The following DOCK8 variants were observed in gnomAD, a reference collection of about 807,000 sequenced individuals.
The protein encoded by DOCK8 is dedicator of cytokinesis protein 8.
Under a neutral mutation model 245.6 loss-of-function variants are expected in DOCK8, and 141 were observed. The observed-to-expected ratio is 0.57, with a 90% CI of 0.50 to 0.66. The LOEUF is 0.66. Ranked by LOEUF, DOCK8 falls within the 30% of genes least tolerant of loss-of-function variation. DOCK8 has a pLI of 0.00. For synonymous variants in DOCK8, 1,168 were observed against 970.2 expected (o/e 1.20, Z -3.79); for missense variants, 2,965 against 2,603.4 (o/e 1.14, Z -3.02).
intron 14 of DOCK8, among the ~76,000 whole-genome samples, chr9:346,742 A>G (rs2051908681): frequency 1.3e-5 from 2 of 152,120 alleles, no homozygotes; most frequent in African/African-American, 4.8e-5. Flanking sequence ...ATCGCAGTGG[A>G]GTCTTAAGGA....
intron 1 of DOCK8, among the ~76,000 whole-genome samples, chr9:247,407 A>T (rs920473490): frequency 6.6e-6 from 1 of 152,186 alleles, no homozygotes; most frequent in African/African-American, 2.4e-5. Flanking sequence ...GGTATTTTCG[A>T]CAGCAAATAT....
At position 408,888 on chromosome 9, in the gene DOCK8, GCACA is replaced by G. The variant is rs1322073009; in HGVS notation, c.3530+1823_3530+1826del. On this transcript the variant is annotated intron_variant, in intron 28 of 47. Coordinates refer to ENST00000432829, the MANE Select transcript of DOCK8 (RefSeq NM_203447.4). ...CACACACACACACACACACACACAC[GCACA>G]CACGCGCGTGCACATGCACACACAC... Among the ~76,000 whole-genome samples, 14 of 105,304 alleles carry G rather than the reference GCACA, an allele frequency of 1.3e-4. No homozygotes were observed. In the South Asian group the frequency reaches 3.1e-3, roughly 24 times the overall value. 69.1% of individuals were successfully genotyped at this position (105,304 alleles called of 152,430 possible). A position where few individuals can be genotyped will look rare whatever the true frequency, so the allele number is the denominator to read the frequency against.
intron 32 of DOCK8, 73 bp from the exon 33 acceptor site, chr9:421,975 T>G: frequency 7.7e-7 from 1 of 1,300,428 alleles, no homozygotes. Context: ...CAGTTGAGCT[T>G]GTTATGAACT....
rs537645948 is a variant in DOCK8 at position 341,108 on chromosome 9, A to G, written c.1679+787A>G. On this transcript the variant is annotated intron_variant, in intron 14 of 47. Transcript: ENST00000432829. ...AGTTCTGTATGTGTGCCAGCAGTAC[A>G]ATAGCCACTAATCACATGTAGCTGT... is the stretch of plus-strand genomic sequence containing the variant. 2.6e-5 allele frequency among the ~76,000 whole-genome samples: 4 copies of G among 152,356 alleles called. No individual in the cohort carries two copies. The South Asian group carries it at 8.3e-4, about 32-fold the overall frequency.
In DOCK8 at chr9:421,122, T is replaced by G. The variant is rs1477473509; in HGVS notation, c.4153+44T>G. Reference sequence around the variant, plus strand: ...TCCCTGCTCTCTGTCAAGCAGTTTTTCACTGTTTGTGGGGAGGAATGTCCT... The same window carrying G: ...TCCCTGCTCTCTGTCAAGCAGTTTTGCACTGTTTGTGGGGAGGAATGTCCT... On this transcript the variant is annotated intron_variant, in intron 32 of 47. Coordinates refer to ENST00000432829, the MANE Select transcript of DOCK8 (RefSeq NM_203447.4). 3 of 1,612,728 alleles carry G rather than the reference T, an allele frequency of 1.9e-6. No homozygotes were observed. The Admixed American group carries it at 5.0e-5, about 27-fold the overall frequency.
intron 28 of DOCK8, among the ~76,000 whole-genome samples, chr9:408,894 ACGCGCGTG>A (rs1406875125): frequency 0.056 from 7,345 of 130,682 alleles, 616 homozygotes; most frequent in African/African-American, 0.18. Context: ...ACACGCACAC[ACGCGCGTG>A]CACATGCACA....
chr9:283,302 A>C (rs181811620), intron 2 of DOCK8, among the ~76,000 whole-genome samples: 1 of 152,314 alleles, frequency 6.6e-6, no homozygotes, highest in Admixed American at 6.5e-5. Context: ...CAAAATCTGA[A>C]ACTTTTTTTG....
rs966427882 is a variant in DOCK8, at chr9:382,518, C to T, written c.2611C>T (p.Pro871Ser). Residue 871 changes from proline (P) to serine (S), a missense_variant, in exon 22 of 48, where the codon CCC becomes TCC. Physicochemically the swap from Pro to Ser is moderately conservative, Grantham distance 74 (BLOSUM62 -1). This residue lies in a region of DOCK8 where 2,825 missense variants were observed against 2,453.5 expected (regional missense o/e 1.15). Coordinates refer to ENST00000432829, the MANE Select transcript of DOCK8 (RefSeq NM_203447.4). ...VQRDVPKSGA[P>S]TALLDPRSYH... ...CTCTGCCTGGTGGGGTGCAGGCGCT[C>T]CCACTGCCCTCCTAGACCCTCGGAG... is the stretch of plus-strand genomic sequence containing the variant. The T allele has an allele frequency of 2.5e-6, 4 of 1,613,592 alleles. No homozygotes were observed. The highest frequency in any genetic ancestry group is 1.7e-5 in the Admixed American group (1 of 59,996).
chr9:416,137 G>C (rs146552573), intron 29 of DOCK8, among the ~76,000 whole-genome samples: 1 of 152,150 alleles, frequency 6.6e-6, no homozygotes, highest in Non-Finnish European at 1.5e-5. Flanking sequence ...AGTTCTGTTG[G>C]GGCCAGAGTG....
intron 14 of DOCK8, among the ~76,000 whole-genome samples, chr9:350,795 G>T (rs1257201111): frequency 6.6e-6 from 1 of 152,216 alleles, no homozygotes; most frequent in Non-Finnish European, 1.5e-5. Flanking sequence ...GGGGAGGAAT[G>T]TGGAAGAGGA....
chr9:257,469 A>C lies in DOCK8; in HGVS notation c.54-14158A>C, dbSNP rs143813845. On this transcript the variant is annotated intron_variant, in intron 1 of 47. Transcript: ENST00000432829. ...CAGTGGTTCCCAAATGTAAGCCTGC[A>C]ACAGAATCATCTGGAGGGCTTGTTT... is the stretch of plus-strand genomic sequence containing the variant. 2.8e-3 allele frequency among the ~76,000 whole-genome samples: 420 copies of C among 152,272 alleles called. 2 individuals carry two copies. The highest frequency in any genetic ancestry group is 9.6e-3 in the African/African-American group (400 of 41,564).
intron 1 of DOCK8, 145 bp downstream of exon 1, chr9:215,174 G>C (rs951858913): frequency 8.0e-6 from 12 of 1,506,140 alleles, no homozygotes; most frequent in South Asian, 1.2e-5. Context: ...CCCGGTTCCC[G>C]AGGCTGCGGC....
At chr9:439,175 T>A in intron 39 of DOCK8, 70 bp from the exon 40 acceptor site, 1 of 1,603,826 alleles carries the variant, frequency 6.2e-7, no homozygotes, top group Non-Finnish European at 8.5e-7. Flanking sequence ...GTTTCCCCAT[T>A]CGGGGTTCCT....
intron 9 of DOCK8, among the ~76,000 whole-genome samples, chr9:330,483 A>G (rs2050961360): frequency 6.6e-6 from 1 of 152,174 alleles, no homozygotes; most frequent in Non-Finnish European, 1.5e-5. Flanking sequence ...AATGGGTTCA[A>G]ATTCCTATTT....
intron 14 of DOCK8, among the ~76,000 whole-genome samples, chr9:359,310 T>C (rs2052607676): frequency 6.6e-6 from 1 of 152,228 alleles, no homozygotes; most frequent in Non-Finnish European, 1.5e-5. Flanking sequence ...TGGATTTGAA[T>C]TGCAGTGTGC....
At chr9:442,281 G>T (rs1350658036) in intron 42 of DOCK8, among the ~76,000 whole-genome samples, 1 of 152,192 alleles carries the variant, frequency 6.6e-6, no homozygotes, top group African/African-American at 2.4e-5. Context: ...TGAAGTCTGT[G>T]CAAAATTCAA....
At chr9:367,106 A>G (rs2053042164) in intron 14 of DOCK8, among the ~76,000 whole-genome samples, 1 of 152,226 alleles carries the variant, frequency 6.6e-6, no homozygotes, top group African/African-American at 2.4e-5. Context: ...AATAGTACCA[A>G]CCTATAGGAT....
At chr9:231,633 C>T (rs1383668765) in intron 1 of DOCK8, among the ~76,000 whole-genome samples, 4 of 152,026 alleles carry the variant, frequency 2.6e-5, no homozygotes, top group Non-Finnish European at 2.9e-5. Flanking sequence ...AAGTTGGATT[C>T]CTAGGTATTT....
rs547507340 is a variant in DOCK8, at chr9:323,713, C to G, written c.828-1958C>G. On this transcript the variant is annotated intron_variant, in intron 7 of 47. Transcript: ENST00000432829. Reference sequence around the variant, plus strand: ...GCAACTCCCATTCTACTTTCTGCCTCTATGAATTTTACTACTCTAGGTGCC... The same window carrying G: ...GCAACTCCCATTCTACTTTCTGCCTGTATGAATTTTACTACTCTAGGTGCC... 4.4e-4 allele frequency among the ~76,000 whole-genome samples: 67 copies of G among 152,280 alleles called. 1 individual carries two copies. The highest frequency in any genetic ancestry group is 3.7e-3 in the Admixed American group (56 of 15,294).
Sources: allele counts gnomAD v4.1 joint callset (sites outside exome capture counted in the v4.1 genomes callset), GRCh38; gene constraint gnomAD v4.1.1; regional missense constraint gnomAD v4.1.1; transcripts MANE v1.5; gene names NCBI Gene and HGNC (gene_info 2026-07-23, HGNC 2026-07-21).